The following ENOX1 variants were observed in gnomAD, a reference collection of about 807,000 sequenced individuals.
ENOX1 encodes the protein ecto-NOX disulfide-thiol exchanger 1, also known as candidate growth-related and time keeping constitutive hydroquinone (NADH) oxidase.
ENOX1 carries 42 observed loss-of-function variants against 82.5 expected under a neutral mutation model. That is an observed-to-expected ratio of 0.51 (90% CI 0.40 to 0.66). The LOEUF (loss-of-function observed/expected upper bound fraction) is 0.66, where lower values mean the gene tolerates loss of function less well. ENOX1 is among the 30% of genes least tolerant of loss of function. The pLI, the probability that ENOX1 is intolerant of heterozygous loss-of-function variation, is 0.00. For missense variants in ENOX1, 608 were observed against 811.6 expected (o/e 0.75, Z 3.05); for synonymous variants, 271 against 282.2 (o/e 0.96, Z 0.40).
intron 2 of ENOX1, among the ~76,000 whole-genome samples, chr13:43,557,596 T>C (rs2079495986): frequency 6.6e-6 from 1 of 152,100 alleles, no homozygotes; most frequent in Non-Finnish European, 1.5e-5. Flanking sequence ...AGCACCCCAC[T>C]TCCACCTCAC....
chr13:43,261,956 A>G (rs1593587272), intron 14 of ENOX1, among the ~76,000 whole-genome samples: 1 of 151,690 alleles, frequency 6.6e-6, no homozygotes, highest in Admixed American at 6.6e-5. Context: ...AACCTGCACA[A>G]TGTGCACATG....
At chr13:43,470,486 A>G (rs2058023797) in intron 3 of ENOX1, among the ~76,000 whole-genome samples, 1 of 148,388 alleles carries the variant, frequency 6.7e-6, no homozygotes, top group Admixed American at 6.8e-5. Context: ...GAAAGCCCTG[A>G]TAAATTAGAC....
chr13:43,418,491 G>A (rs772885720), intron 3 of ENOX1, among the ~76,000 whole-genome samples: 3 of 152,136 alleles, frequency 2.0e-5, no homozygotes, highest in Non-Finnish European at 4.4e-5. Context: ...TTGTGCCACT[G>A]CACTCCAGCC....
chr13:43,313,177 T>A (rs529776291), intron 11 of ENOX1, among the ~76,000 whole-genome samples: 2 of 152,292 alleles, frequency 1.3e-5, no homozygotes, highest in Admixed American at 1.3e-4. Context: ...ATAACATAAC[T>A]TCTCATCATT....
intron 11 of ENOX1, among the ~76,000 whole-genome samples, chr13:43,319,539 TCAATTATTTC>T (rs2047692438): frequency 6.6e-6 from 1 of 152,050 alleles, no homozygotes; most frequent in African/African-American, 2.4e-5. Flanking sequence ...ACCAAACAAG[TCAATTATTTC>T]CATCTCTTCC....
Position 43,759,097 on chromosome 13 carries a change from C to CTTT in ENOX1, c.-285+27552_-285+27554dup, listed in dbSNP as rs3044251. 2.1e-3 allele frequency among the ~76,000 whole-genome samples: 261 copies of CTTT among 122,422 alleles called. 11 individuals are homozygous for CTTT. Among genetic ancestry groups the CTTT allele is most frequent in the African/African-American group, 5.6e-3 (179 of 32,114 alleles). The allele number at this position is 122,422 out of a possible 152,430, so 80.3% of individuals were successfully genotyped here. ...CCTGGCCCCTGGAACTGATAAGTTT[C>CTTT]TTTTTTTTTTTTTTTTTTTGAGACT... On this transcript the variant is annotated intron_variant, in intron 1 of 16. Transcript: ENST00000690772.
chr13:43,785,852 G>C (rs917544124), intron 1 of ENOX1, among the ~76,000 whole-genome samples: 1 of 152,190 alleles, frequency 6.6e-6, no homozygotes, highest in African/African-American at 2.4e-5. Flanking sequence ...GGCCGTGCAG[G>C]GGGAGGACGT....
intron 2 of ENOX1, among the ~76,000 whole-genome samples, chr13:43,541,412 G>A (rs2078721641): frequency 6.6e-6 from 1 of 151,922 alleles, no homozygotes. Context: ...AAGGTGGGAA[G>A]ATCACTTAGG....
chr13:43,759,200 G>T (rs1950826741), intron 1 of ENOX1, among the ~76,000 whole-genome samples: 1 of 146,034 alleles, frequency 6.8e-6, no homozygotes, highest in South Asian at 2.2e-4. Flanking sequence ...CTGGGTTCAA[G>T]CTGTTCCTGC....
chr13:43,268,292 T>C (rs1255871872), intron 13 of ENOX1, among the ~76,000 whole-genome samples: 1 of 152,056 alleles, frequency 6.6e-6, no homozygotes, highest in Admixed American at 6.6e-5. Context: ...AATATAACAG[T>C]GGAAAGCACA....
At chr13:43,352,716 G>A (rs374734964) in intron 8 of ENOX1, among the ~76,000 whole-genome samples, 1 of 152,152 alleles carries the variant, frequency 6.6e-6, no homozygotes, top group East Asian at 1.9e-4. Context: ...AACAGGCACT[G>A]GGTGACTCCA....
intron 1 of ENOX1, among the ~76,000 whole-genome samples, chr13:43,691,112 G>T (rs73188030): frequency 0.086 from 13,004 of 152,088 alleles, 881 homozygotes; most frequent in East Asian, 0.26. Flanking sequence ...AGTCAACCCT[G>T]CCATCTCCTT....
At chr13:43,526,944 G>A (rs915191957) in intron 2 of ENOX1, among the ~76,000 whole-genome samples, 26 of 151,952 alleles carry the variant, frequency 1.7e-4, no homozygotes, top group Non-Finnish European at 2.9e-5. Context: ...CCCTTCTGCC[G>A]TGTGAAGACA....
intron 14 of ENOX1, among the ~76,000 whole-genome samples, chr13:43,248,933 C>T (rs1359763709): frequency 6.6e-6 from 1 of 151,920 alleles, no homozygotes; most frequent in Non-Finnish European, 1.5e-5. Context: ...TATATAGCCC[C>T]CAAGTAGAAT....
Position 43,576,556 on chromosome 13 carries a change from T to G in ENOX1, c.-219+90923A>C, listed in dbSNP as rs562359527. On this transcript the variant is annotated intron_variant, in intron 2 of 16. Transcript: ENST00000690772. ...TGTAGTGTAAAACACATGCCAGATT[T>G]GACAAACTTAGTACATACTGCTACT... is the stretch of plus-strand genomic sequence containing the variant. Among the ~76,000 whole-genome samples, 73 of 152,266 alleles carry G rather than the reference T, an allele frequency of 4.8e-4. 1 individual carries two copies. Among genetic ancestry groups the G allele is most frequent in the African/African-American group, 1.6e-3 (66 of 41,538 alleles).
intron 3 of ENOX1, among the ~76,000 whole-genome samples, chr13:43,439,282 G>C (rs774096484): frequency 2.0e-5 from 3 of 151,618 alleles, no homozygotes; most frequent in Non-Finnish European, 4.4e-5. Context: ...ACCCAGGCTG[G>C]AGTGCAATGG....
chr13:43,267,866 A>G (rs1044113251), intron 13 of ENOX1, among the ~76,000 whole-genome samples: 4 of 152,216 alleles, frequency 2.6e-5, no homozygotes, highest in Admixed American at 1.3e-4. Flanking sequence ...TGAAATTAAT[A>G]TTGCAGATTT....
intron 2 of ENOX1, among the ~76,000 whole-genome samples, chr13:43,500,548 T>G (rs1363315972): frequency 6.6e-6 from 1 of 152,032 alleles, no homozygotes; most frequent in Non-Finnish European, 1.5e-5. Context: ...TAAGGAAGTA[T>G]GTCAACACTG....
At chr13:43,730,359 T>C (rs1163181658) in intron 1 of ENOX1, among the ~76,000 whole-genome samples, 1 of 152,196 alleles carries the variant, frequency 6.6e-6, no homozygotes, top group Non-Finnish European at 1.5e-5. Flanking sequence ...CAATCTGTTG[T>C]TAGCACCAGC....
Sources: allele counts gnomAD v4.1 joint callset (sites outside exome capture counted in the v4.1 genomes callset), GRCh38; gene constraint gnomAD v4.1.1; transcripts MANE v1.5; gene names NCBI Gene and HGNC (gene_info 2026-07-23, HGNC 2026-07-21).